ISY1: variants seen among roughly 807,000 people sequenced by gnomAD.
The protein encoded by ISY1 is ISY1 spliceosome associated protein.
Under a neutral mutation model 54.4 loss-of-function variants are expected in ISY1, and 12 were observed. The observed-to-expected ratio is 0.22, with a 90% CI of 0.14 to 0.36. The LOEUF (loss-of-function observed/expected upper bound fraction) is 0.36, where lower values mean the gene tolerates loss of function less well. Among genes scored for constraint, ISY1 ranks in the 10% least tolerant of loss-of-function variants. The probability of loss-of-function intolerance (pLI) is 1.00; values close to 1 mark genes in which losing one functional copy is unlikely to be tolerated. For missense variants in ISY1, 282 were observed against 342.2 expected, an observed-to-expected ratio of 0.82 and a Z score of 1.39; for synonymous variants, 96 against 117.9, an observed-to-expected ratio of 0.81 and a Z score of 1.20.
chr3:129,130,698 C>T (rs1350742095), intron 9 of ISY1, 62 bp from the exon 10 acceptor site: 5 of 1,560,590 alleles, frequency 3.2e-6, no homozygotes, highest in Non-Finnish European at 4.4e-6. Context: ...GCTGGCAACT[C>T]TATAAAACAC....
chr3:129,135,030 T>C, intron 7 of ISY1, 76 bp from the exon 8 acceptor site: 1 of 1,507,900 alleles, frequency 6.6e-7, no homozygotes, highest in Non-Finnish European at 8.9e-7. Context: ...GATGCAACGC[T>C]ATACACACAC....
Position 129,158,535 on chromosome 3 carries a change from C to A in ISY1, c.51G>T (p.Gln17His). Residue 17 changes from glutamine (Q) to histidine (H), a missense_variant, in exon 3 of 11, where the codon CAG becomes CAT. Physicochemically the swap from Gln to His is conservative, Grantham distance 24 (BLOSUM62 0). Transcript: ENST00000393295. ...KAMTALARFRQAQLEEGKVKE... is the reference protein window; with the variant it reads ...KAMTALARFRHAQLEEGKVKE... Reference sequence around the variant, plus strand: ...TCACTTTTCCCTCTTCCAGCTGAGCCTGGCGAAATCTTGCTAAGGCCGTCC... The same window carrying A: ...TCACTTTTCCCTCTTCCAGCTGAGCATGGCGAAATCTTGCTAAGGCCGTCC... 6.2e-7 allele frequency: 1 copy of A among 1,614,048 alleles called. No individual in the cohort carries two copies. The highest frequency in any genetic ancestry group is 8.5e-7 in the Non-Finnish European group (1 of 1,180,016).
At chr3:129,137,963 G>A (rs558573462) in intron 7 of ISY1, among the ~76,000 whole-genome samples, 14 of 147,374 alleles carry the variant, frequency 9.5e-5, no homozygotes, top group Admixed American at 8.9e-4. Context: ...CCAACATAGG[G>A]AAACCCTGTC....
intron 5 of ISY1, among the ~76,000 whole-genome samples, chr3:129,155,273 C>T (rs1937102202): frequency 1.3e-5 from 2 of 151,832 alleles, no homozygotes; most frequent in African/African-American, 4.8e-5. Flanking sequence ...TGGCTCACTA[C>T]AACCTCCGCC....
chr3:129,139,588 A>G (rs994929913), intron 7 of ISY1, among the ~76,000 whole-genome samples: 4 of 151,102 alleles, frequency 2.6e-5, no homozygotes, highest in East Asian at 2.0e-4. Flanking sequence ...TGGCTGAAAG[A>G]AGGAGGAAAG....
chr3:129,136,955 C>T (rs1047138374), intron 7 of ISY1, among the ~76,000 whole-genome samples: 8 of 150,848 alleles, frequency 5.3e-5, no homozygotes, highest in South Asian at 2.1e-4. Context: ...AGTGCAATGG[C>T]GCGATCTCAG....
intron 10 of ISY1, 22 bp downstream of exon 10, chr3:129,130,528 C>A: frequency 6.2e-7 from 1 of 1,611,682 alleles, no homozygotes; most frequent in Non-Finnish European, 8.5e-7. Context: ...GGCGCCCAGG[C>A]AGCTCTTAGC....
intron 3 of ISY1, 97 bp from the exon 4 acceptor site, chr3:129,157,017 G>T: frequency 7.4e-7 from 1 of 1,346,074 alleles, no homozygotes; most frequent in Non-Finnish European, 1.0e-6. Context: ...TCATCTAATG[G>T]CCTAAAAACA....
chr3:129,136,590 G>A (rs529729611), intron 7 of ISY1, among the ~76,000 whole-genome samples: 36 of 151,612 alleles, frequency 2.4e-4, no homozygotes, highest in African/African-American at 8.5e-4. Flanking sequence ...CACAACCTCC[G>A]CCTCCTGGGT....
chr3:129,146,256 G>A (rs528346918), intron 5 of ISY1, among the ~76,000 whole-genome samples: 1 of 152,200 alleles, frequency 6.6e-6, no homozygotes, highest in East Asian at 1.9e-4. Flanking sequence ...ACGCACCCAG[G>A]GATGGCAGCA....
At chr3:129,140,562 G>A (rs961199106) in intron 6 of ISY1, 77 bp from the exon 7 acceptor site, 40 of 1,420,346 alleles carry the variant, frequency 2.8e-5, no homozygotes, top group Admixed American at 6.4e-5. Flanking sequence ...TATTTGAGGC[G>A]GAGTCTCGCT....
At chr3:129,160,918 G>GGCCCCGGGGGGGGGGGGGGGCCCCCC in intron 1 of ISY1, 55 bp downstream of exon 1, 1 of 666,128 alleles carries the variant, frequency 1.5e-6, no homozygotes, top group Non-Finnish European at 2.7e-6. Flanking sequence ...TGGACTGGGC[G>GGCCCCGGGGGGGGGGGGGGGCCCCCC]CCCCCCCGCC....
At chr3:129,159,241 C>T in intron 1 of ISY1, 65 bp from the exon 2 acceptor site, 2 of 1,572,614 alleles carry the variant, frequency 1.3e-6, no homozygotes, top group African/African-American at 1.4e-5. Flanking sequence ...TTGCCCTTTA[C>T]TTTTTAGTGA....
chr3:129,130,745 G>A, intron 9 of ISY1, 109 bp from the exon 10 acceptor site: 2 of 1,205,906 alleles, frequency 1.7e-6, no homozygotes, highest in Non-Finnish European at 2.3e-6. Context: ...AAAAAACTAA[G>A]AAAGTTCTAT....
chr3:129,149,610 A>AAAATAT (rs1936884507), intron 5 of ISY1, among the ~76,000 whole-genome samples: 1 of 24,628 alleles, frequency 4.1e-5, no homozygotes, highest in African/African-American at 1.2e-4. Context: ...AAAAAAAAAA[A>AAAATAT]ATATATATAT....
Position 129,129,961 on chromosome 3 carries a change from G to A in ISY1, c.*120C>T, listed in dbSNP as rs1576866146. ...CCCTCCGGTCAACATGAGACAAGGA[G>A]AGGGAAGGAAGGCTGAGAATGGGGC... On this transcript the variant is annotated 3_prime_UTR_variant, in exon 11 of 11. Coordinates refer to ENST00000393295, the MANE Select transcript of ISY1 (RefSeq NM_020701.4). 5.5e-6 allele frequency: 4 copies of A among 722,240 alleles called. No homozygotes were observed. The highest frequency in any genetic ancestry group is 6.7e-6 in the Non-Finnish European group (3 of 447,114). 44.7% of individuals were successfully genotyped at this position (722,240 alleles called of 1,614,324 possible).
intron 5 of ISY1, among the ~76,000 whole-genome samples, chr3:129,149,805 A>AAAG (rs57558731): frequency 0.73 from 44,104 of 60,628 alleles, 16,341 homozygotes; most frequent in Non-Finnish European, 0.83. Flanking sequence ...AAAAAAAAAA[A>AAAG]AAAGAAAGAA....
At chr3:129,151,970 C>T (rs1936985359) in intron 5 of ISY1, among the ~76,000 whole-genome samples, 1 of 152,086 alleles carries the variant, frequency 6.6e-6, no homozygotes, top group Admixed American at 6.6e-5. Context: ...ACCAGCCTTG[C>T]CAACATGGTA....
chr3:129,154,308 G>A (rs972090820), intron 5 of ISY1, among the ~76,000 whole-genome samples: 1 of 150,044 alleles, frequency 6.7e-6, no homozygotes, highest in Admixed American at 6.7e-5. Context: ...CCAGCTACTC[G>A]GGAGGCTGAG....
Sources: gnomAD v4.1 joint callset for allele counts (sites outside exome capture counted in the v4.1 genomes callset) on GRCh38, gnomAD v4.1.1 for gene constraint, MANE v1.5 for transcripts, NCBI Gene and HGNC (gene_info 2026-07-23, HGNC 2026-07-21) for gene names.